PDE12: variants seen among roughly 807,000 people sequenced by gnomAD.
The protein encoded by PDE12 is 2',5'-phosphodiesterase 12.
PDE12 carries 26 observed loss-of-function variants against 45.4 expected under a neutral mutation model. The ratio of observed to expected loss-of-function variants is 0.57; its 90% confidence interval spans 0.42 to 0.79. PDE12 has a LOEUF of 0.79. PDE12 is among the 30% of genes least tolerant of loss of function. The pLI is 0.00. For missense variants in PDE12, 668 were observed against 790.0 expected (o/e 0.85, Z 1.85); for synonymous variants, 283 against 323.9 (o/e 0.87, Z 1.36).
chr3:57,606,506 A>T, the PDE12 span, among the ~76,000 whole-genome samples: 2 of 152,204 alleles, frequency 1.3e-5, no homozygotes, highest in African/African-American at 4.8e-5. Context: ...CAAAAGAAAA[A>T]TGACACCATA....
chr3:57,575,635 A>C, the PDE12 span: 2 of 1,613,530 alleles, frequency 1.2e-6, no homozygotes, highest in Admixed American at 3.3e-5. Flanking sequence ...TGTTTGCAAA[A>C]AGTAGCAGCA....
chr3:57,622,574 C>T, the PDE12 span, among the ~76,000 whole-genome samples: 3 of 152,192 alleles, frequency 2.0e-5, no homozygotes, highest in African/African-American at 7.2e-5. Context: ...CCTCATACCA[C>T]TCCTAGGTAT....
At chr3:57,625,271 G>T in the PDE12 span, among the ~76,000 whole-genome samples, 3 of 152,068 alleles carry the variant, frequency 2.0e-5, no homozygotes, top group East Asian at 5.8e-4. Flanking sequence ...TCACTTAACT[G>T]ATCTGTCTAA....
the PDE12 span, among the ~76,000 whole-genome samples, chr3:57,615,553 C>T: frequency 6.6e-6 from 1 of 152,118 alleles, no homozygotes; most frequent in Non-Finnish European, 1.5e-5. Flanking sequence ...AGGCGTGAGC[C>T]AGCACCTTGG....
chr3:57,563,318 C>T lies in PDE12; in HGVS notation c.*3314C>T, dbSNP rs2069746054. 1 of 152,078 alleles carries T rather than the reference C, an allele frequency of 6.6e-6. No homozygotes were observed. Among genetic ancestry groups the T allele is most frequent in the Non-Finnish European group, 1.5e-5 (1 of 68,020 alleles). 9.4% of individuals were successfully genotyped at this position (152,078 alleles called of 1,614,324 possible). A position where few individuals can be genotyped will look rare whatever the true frequency, so the allele number is the denominator to read the frequency against. On this transcript the variant is annotated 3_prime_UTR_variant, in exon 3 of 3. Transcript: ENST00000311180. Reference sequence around the variant, plus strand: ...TCCCAAGTAGTTGAGATTACAAGCCCAACCTTCCATAACTGAAAACTAACT... The same window carrying T: ...TCCCAAGTAGTTGAGATTACAAGCCTAACCTTCCATAACTGAAAACTAACT...
At chr3:57,599,482 G>T in the PDE12 span, among the ~76,000 whole-genome samples, 1 of 152,004 alleles carries the variant, frequency 6.6e-6, no homozygotes, top group Non-Finnish European at 1.5e-5. Context: ...TAATTCTTAG[G>T]GTCTTCTTAA....
the PDE12 span, among the ~76,000 whole-genome samples, chr3:57,603,661 T>C: frequency 1.3e-5 from 2 of 151,310 alleles, no homozygotes; most frequent in Non-Finnish European, 2.9e-5. Context: ...TCGCTCTTAT[T>C]GCCCAGGCTG....
At chr3:57,612,449 TTAA>T in the PDE12 span, among the ~76,000 whole-genome samples, 1 of 152,096 alleles carries the variant, frequency 6.6e-6, no homozygotes, top group African/African-American at 2.4e-5. Context: ...GAACATATAC[TTAA>T]TAATCACTCA....
chr3:57,644,307 CA>C, the PDE12 span, among the ~76,000 whole-genome samples: 1 of 151,766 alleles, frequency 6.6e-6, no homozygotes, highest in Non-Finnish European at 1.5e-5. Flanking sequence ...TAGAGATTTA[CA>C]AAAAAATTTT....
chr3:57,597,295 G>A, the PDE12 span: 2 of 673,314 alleles, frequency 3.0e-6, no homozygotes, highest in Non-Finnish European at 5.1e-6. Context: ...CCCCTGTGCC[G>A]ATGAAGATCC....
the PDE12 span, among the ~76,000 whole-genome samples, chr3:57,598,856 A>G: frequency 6.6e-6 from 1 of 152,194 alleles, no homozygotes; most frequent in Non-Finnish European, 1.5e-5. Flanking sequence ...TTGGAGATAC[A>G]TGTAAAGAGT....
the PDE12 span, chr3:57,597,383 G>A: frequency 4.0e-5 from 15 of 371,068 alleles, no homozygotes; most frequent in Non-Finnish European, 6.5e-5. Context: ...GGCTCTGGCT[G>A]TGCCACGTCA....
chr3:57,579,488 A>G, the PDE12 span, among the ~76,000 whole-genome samples: 2 of 151,758 alleles, frequency 1.3e-5, no homozygotes, highest in African/African-American at 2.4e-5. Flanking sequence ...AGATTTTACT[A>G]TGTTGGCCAG....
the PDE12 span, among the ~76,000 whole-genome samples, chr3:57,606,041 A>G: frequency 3.9e-5 from 6 of 152,198 alleles, no homozygotes; most frequent in Admixed American, 3.9e-4. Flanking sequence ...AAGTCCCTAA[A>G]AGAAGGGAAG....
At chr3:57,645,069 T>C in the PDE12 span, among the ~76,000 whole-genome samples, 1 of 152,072 alleles carries the variant, frequency 6.6e-6, no homozygotes, top group Non-Finnish European at 1.5e-5. Context: ...AGGGTAAGAT[T>C]ATTTTTTCTT....
the PDE12 span, among the ~76,000 whole-genome samples, chr3:57,632,162 G>T: frequency 6.6e-6 from 1 of 150,440 alleles, no homozygotes; most frequent in African/African-American, 2.5e-5. Flanking sequence ...TGGGACTACA[G>T]GTGCGTGCCA....
At chr3:57,625,596 A>G in the PDE12 span, 1 of 152,578 alleles carries the variant, frequency 6.6e-6, no homozygotes, top group Non-Finnish European at 1.5e-5. Flanking sequence ...GCTGGTAGAG[A>G]TAAAACATTT....
At chr3:57,613,368 A>G in the PDE12 span, among the ~76,000 whole-genome samples, 1 of 146,706 alleles carries the variant, frequency 6.8e-6, no homozygotes, top group Non-Finnish European at 1.5e-5. Flanking sequence ...ATCTCGGCTC[A>G]CTGCAACCTC....
the PDE12 span, among the ~76,000 whole-genome samples, chr3:57,629,563 G>C: frequency 7.0e-6 from 1 of 143,006 alleles, no homozygotes; most frequent in Non-Finnish European, 1.5e-5. Context: ...CCAGGCTGGA[G>C]CACAGTGGCG....
Sources: allele counts gnomAD v4.1 joint callset (sites outside exome capture counted in the v4.1 genomes callset), GRCh38; gene constraint gnomAD v4.1.1; transcripts MANE v1.5; gene names NCBI Gene and HGNC (gene_info 2026-07-23, HGNC 2026-07-21).